WDFY3: variants seen among roughly 807,000 people sequenced by gnomAD.
The protein encoded by WDFY3 is WD repeat and FYVE domain-containing protein 3.
Under a neutral mutation model 409.6 loss-of-function variants are expected in WDFY3, and 66 were observed. The ratio of observed to expected loss-of-function variants is 0.16; its 90% CI spans 0.13 to 0.20. The LOEUF (loss-of-function observed/expected upper bound fraction) is 0.20, where lower values mean the gene tolerates loss of function less well. WDFY3 is among the 10% of genes least tolerant of loss of function. The pLI is 1.00. For synonymous variants in WDFY3, 1,521 were observed against 1,537.1 expected (o/e 0.99, Z 0.25); for missense variants, 3,031 against 4,298.1 (o/e 0.71, Z 8.24).
At chr4:84,691,105 G>C (rs771228303) in intron 60 of WDFY3, among the ~76,000 whole-genome samples, 3 of 152,170 alleles carry the variant, frequency 2.0e-5, no homozygotes, top group Non-Finnish European at 2.9e-5. Flanking sequence ...TTTTCGTCTT[G>C]CATTTGGGAA....
At chr4:84,840,781 A>G (rs555185743) in intron 6 of WDFY3, among the ~76,000 whole-genome samples, 62 of 148,598 alleles carry the variant, frequency 4.2e-4, no homozygotes, top group African/African-American at 1.5e-3. Context: ...GGGTCTCTCT[A>G]TGTTGCCCAG....
At chr4:84,830,922 C>T (rs750320177) in intron 8 of WDFY3, among the ~76,000 whole-genome samples, 5 of 152,108 alleles carry the variant, frequency 3.3e-5, no homozygotes, top group Non-Finnish European at 5.9e-5. Context: ...GGCGCAGTGG[C>T]TGACGCCTGT....
chr4:84,934,470 G>GTT (rs1771160415), intron 1 of WDFY3, among the ~76,000 whole-genome samples: 1 of 152,148 alleles, frequency 6.6e-6, no homozygotes, highest in Non-Finnish European at 1.5e-5. Context: ...CATCCAATAA[G>GTT]TTTTTACTGA....
At chr4:84,858,754 G>T (rs552883682) in intron 4 of WDFY3, among the ~76,000 whole-genome samples, 1 of 150,580 alleles carries the variant, frequency 6.6e-6, no homozygotes, top group East Asian at 2.0e-4. Flanking sequence ...GACTACAGGG[G>T]ACAGAGCCAG....
intron 56 of WDFY3, among the ~76,000 whole-genome samples, chr4:84,701,610 A>G (rs145833162): frequency 7.7e-4 from 117 of 152,366 alleles, no homozygotes; most frequent in African/African-American, 2.6e-3. Flanking sequence ...ATGCTTTAAA[A>G]GAAATACTCA....
At chr4:84,862,129 C>G (rs1415129860) in intron 3 of WDFY3, among the ~76,000 whole-genome samples, 2 of 152,232 alleles carry the variant, frequency 1.3e-5, no homozygotes, top group African/African-American at 2.4e-5. Context: ...GAATTTCAAA[C>G]ACACTTGCCC....
chr4:84,691,633 T>C lies in WDFY3; in HGVS notation c.9202A>G (p.Lys3068Glu). The change falls in exon 60 of 68, where the codon AAG becomes GAG. Residue 3068 changes from lysine (K) to glutamate (E), a missense_variant and splice_region_variant. Transcript: ENST00000295888. ...SCRLGTYESD[K>E]AMTVYECLSE... The stretch of plus-strand genomic sequence containing the variant: ...AGTAGGCAGGAAATAATGCAAACCT[T>C]GTCTGACTCATAGGTTCCCAGTCTG... 6.2e-7 allele frequency: 1 copy of C among 1,613,554 alleles called. No homozygotes were observed. Among genetic ancestry groups the C allele is most frequent in the Non-Finnish European group, 8.5e-7 (1 of 1,179,718 alleles).
intron 5 of WDFY3, 45 bp from the exon 6 acceptor site, chr4:84,841,308 T>C: frequency 2.6e-6 from 4 of 1,522,110 alleles, no homozygotes; most frequent in African/African-American, 1.4e-5. Flanking sequence ...AAAAGTCACA[T>C]ATAAAGAGGT....
intron 67 of WDFY3, 104 bp downstream of exon 67, chr4:84,677,095 C>T: frequency 7.5e-7 from 1 of 1,332,318 alleles, no homozygotes; most frequent in South Asian, 1.4e-5. Context: ...ACAAGGCATA[C>T]TGTAGTGGGG....
In WDFY3 at chr4:84,671,078, C is replaced by A. The variant is rs1034395634; in HGVS notation, c.*1790G>T. 1 of 152,470 alleles carries A rather than the reference C, an allele frequency of 6.6e-6. No individual in the cohort carries two copies. Among genetic ancestry groups the A allele is most frequent in the Non-Finnish European group, 1.5e-5 (1 of 68,018 alleles). 9.4% of individuals were successfully genotyped at this position (152,470 alleles called of 1,614,324 possible). A position where few individuals can be genotyped will look rare whatever the true frequency, so the allele number is the denominator to read the frequency against. ...TAAATAAAGATTTAAATTTAGTAAG[C>A]GTAAGGCACTAAAGCAGCCTTTCTA... On this transcript the variant is annotated 3_prime_UTR_variant, in exon 68 of 68. Transcript: ENST00000295888.
chr4:84,842,304 C>G (rs577202218), intron 5 of WDFY3, among the ~76,000 whole-genome samples: 2 of 151,874 alleles, frequency 1.3e-5, no homozygotes, highest in Non-Finnish European at 2.9e-5. Flanking sequence ...TGGAGAAACC[C>G]CATCTCTACT....
intron 5 of WDFY3, among the ~76,000 whole-genome samples, chr4:84,842,954 C>A (rs1757584466): frequency 6.6e-6 from 1 of 152,144 alleles, no homozygotes; most frequent in Admixed American, 6.5e-5. Context: ...CTGGGCTGGG[C>A]AAAGTTTCAT....
chr4:84,938,689 G>A (rs1771737878), intron 1 of WDFY3, among the ~76,000 whole-genome samples: 1 of 152,082 alleles, frequency 6.6e-6, no homozygotes, highest in Admixed American at 6.6e-5. Flanking sequence ...CAAACTTACA[G>A]AAAAGTTAGT....
At chr4:84,951,540 C>A (rs570272728) in intron 1 of WDFY3, among the ~76,000 whole-genome samples, 77 of 152,278 alleles carry the variant, frequency 5.1e-4, no homozygotes, top group Non-Finnish European at 1.0e-3. Flanking sequence ...CTTACTTCTG[C>A]TACTTAGAAG....
chr4:84,767,419 T>C (rs928251009), intron 30 of WDFY3, among the ~76,000 whole-genome samples: 17 of 152,200 alleles, frequency 1.1e-4, no homozygotes, highest in South Asian at 4.2e-4. Flanking sequence ...CAATGGCACC[T>C]AGATGTTCAA....
intron 34 of WDFY3, 80 bp downstream of exon 34, chr4:84,755,185 AC>A (rs1741226084): frequency 7.0e-6 from 11 of 1,564,090 alleles, no homozygotes; most frequent in Non-Finnish European, 9.5e-6. Flanking sequence ...TAGTTATGTT[AC>A]CAAAAAATTC....
intron 27 of WDFY3, among the ~76,000 whole-genome samples, chr4:84,776,645 T>C (rs1047416898): frequency 5.9e-5 from 9 of 152,076 alleles, no homozygotes; most frequent in African/African-American, 2.2e-4. Flanking sequence ...CTTTGTCTTT[T>C]TCCTCTAATG....
At chr4:84,716,041 T>C (rs926808626) in intron 49 of WDFY3, among the ~76,000 whole-genome samples, 2 of 152,034 alleles carry the variant, frequency 1.3e-5, no homozygotes, top group African/African-American at 4.8e-5. Context: ...CAAAGATAAT[T>C]ACCCAAATTT....
At chr4:84,821,688 G>T in intron 10 of WDFY3, 137 bp from the exon 11 acceptor site, 1 of 725,174 alleles carries the variant, frequency 1.4e-6, no homozygotes, top group African/African-American at 1.8e-5. Flanking sequence ...TTCACAAAAG[G>T]TCTTATTTTT....
Sources: gnomAD v4.1 joint callset for allele counts (sites outside exome capture counted in the v4.1 genomes callset) on GRCh38, gnomAD v4.1.1 for gene constraint, MANE v1.5 for transcripts, NCBI Gene and HGNC (gene_info 2026-07-23, HGNC 2026-07-21) for gene names.